The following CNTN5 variants were observed in gnomAD, a reference collection of about 807,000 sequenced individuals.
CNTN5 encodes contactin-5.
In CNTN5, 77 loss-of-function variants were observed where a neutral mutation model predicts 129.1. The observed-to-expected ratio is 0.60, with a 90% CI of 0.50 to 0.72. The LOEUF (loss-of-function observed/expected upper bound fraction) is 0.72, where lower values mean the gene tolerates loss of function less well. Among genes scored for constraint, CNTN5 ranks in the 30% least tolerant of loss-of-function variants. The pLI, the probability that CNTN5 is intolerant of heterozygous loss-of-function variation, is 0.00. For synonymous variants in CNTN5, 509 were observed against 465.6 expected, an observed-to-expected ratio of 1.09 and a Z score of -1.20; for missense variants, 1,478 against 1,328.8, an observed-to-expected ratio of 1.11 and a Z score of -1.75.
chr11:99,433,012 G>GA (rs202138426), intron 2 of CNTN5, among the ~76,000 whole-genome samples: 27,459 of 135,626 alleles, frequency 0.2, 2,760 homozygotes, highest in Middle Eastern at 0.33. Flanking sequence ...TGATTACCAG[G>GA]AAAAAAAAAA....
intron 8 of CNTN5, among the ~76,000 whole-genome samples, chr11:99,962,816 C>G (rs998876489): frequency 6.6e-6 from 1 of 151,678 alleles, no homozygotes; most frequent in Non-Finnish European, 1.5e-5. Flanking sequence ...ATCTGCAGCA[C>G]CTGTTGTTTC....
chr11:99,608,694 G>C (rs531170023), intron 3 of CNTN5, among the ~76,000 whole-genome samples: 1 of 152,276 alleles, frequency 6.6e-6, no homozygotes, highest in African/African-American at 2.4e-5. Context: ...TGCTAAACTT[G>C]TGTTGCTTAA....
intron 3 of CNTN5, among the ~76,000 whole-genome samples, chr11:99,639,907 C>T (rs1214407097): frequency 1.3e-5 from 2 of 152,032 alleles, no homozygotes; most frequent in Non-Finnish European, 2.9e-5. Context: ...ATTTCTTCTG[C>T]CAGATACCCT....
intron 1 of CNTN5, among the ~76,000 whole-genome samples, chr11:99,161,370 T>C (rs1168273938): frequency 3.9e-5 from 6 of 152,146 alleles, no homozygotes; most frequent in African/African-American, 1.2e-4. Flanking sequence ...AGCAGCACAT[T>C]TAAGGAAATA....
At chr11:100,271,464 A>G (rs78888310) in intron 18 of CNTN5, among the ~76,000 whole-genome samples, 2 of 152,154 alleles carry the variant, frequency 1.3e-5, no homozygotes, top group South Asian at 4.1e-4. Context: ...AAATGCTTCA[A>G]TTTTCTCCCA....
intron 6 of CNTN5, among the ~76,000 whole-genome samples, chr11:99,896,210 C>T (rs2135931153): frequency 6.6e-6 from 1 of 152,274 alleles, no homozygotes. Flanking sequence ...TAGGCTTGTG[C>T]CCCACAAGTC....
intron 21 of CNTN5, among the ~76,000 whole-genome samples, chr11:100,339,602 G>A (rs577655237): frequency 2.6e-5 from 4 of 152,238 alleles, no homozygotes; most frequent in Admixed American, 6.5e-5. Flanking sequence ...CTCACTTCAG[G>A]CCATGGGTTT....
At chr11:99,283,908 A>G (rs1863810842) in intron 1 of CNTN5, among the ~76,000 whole-genome samples, 1 of 152,152 alleles carries the variant, frequency 6.6e-6, no homozygotes, top group Non-Finnish European at 1.5e-5. Flanking sequence ...TTAAAGAAGC[A>G]TGCCTCATAC....
At chr11:99,080,810 T>C (rs114519448) in intron 1 of CNTN5, among the ~76,000 whole-genome samples, 490 of 152,214 alleles carry the variant, frequency 3.2e-3, no homozygotes, top group African/African-American at 0.011. Context: ...GTATAAGTGT[T>C]TTGAGGACGA....
chr11:99,504,527 C>T (rs192991719), intron 2 of CNTN5, among the ~76,000 whole-genome samples: 4 of 94,306 alleles, frequency 4.2e-5, no homozygotes, highest in Admixed American at 2.1e-4. Flanking sequence ...CAGACTCCGT[C>T]TCAAAAAAAA....
intron 3 of CNTN5, among the ~76,000 whole-genome samples, chr11:99,793,037 G>C (rs1208377923): frequency 6.6e-6 from 1 of 151,466 alleles, no homozygotes; most frequent in Non-Finnish European, 1.5e-5. Context: ...GCCTGTATTA[G>C]TCTACTAGCA....
At chr11:99,941,001 G>A (rs534784931) in intron 7 of CNTN5, among the ~76,000 whole-genome samples, 15 of 152,166 alleles carry the variant, frequency 9.9e-5, no homozygotes, top group African/African-American at 2.9e-4. Context: ...TTTGAAAAAG[G>A]TAGGGAAAAA....
At chr11:99,391,660 C>T (rs748946878) in intron 2 of CNTN5, among the ~76,000 whole-genome samples, 36 of 151,948 alleles carry the variant, frequency 2.4e-4, no homozygotes, top group South Asian at 8.3e-4. Context: ...GAAGGTAGGG[C>T]ATTAAGCCTC....
intron 1 of CNTN5, among the ~76,000 whole-genome samples, chr11:99,024,043 C>T (rs1035610829): frequency 1.3e-5 from 2 of 152,086 alleles, no homozygotes; most frequent in Admixed American, 6.6e-5. Flanking sequence ...AAGCTCAAAG[C>T]GGTAGAATCA....
intron 13 of CNTN5, among the ~76,000 whole-genome samples, chr11:100,186,527 CA>C (rs1370338879): frequency 6.6e-6 from 1 of 152,078 alleles, no homozygotes; most frequent in Non-Finnish European, 1.5e-5. Context: ...GACAGACTAA[CA>C]AAGCAGAGAC....
rs115630054 is a variant in CNTN5 at position 99,801,203 on chromosome 11, G to T, written c.56-18341G>T. Among the ~76,000 whole-genome samples, 880 of 152,280 alleles carry T rather than the reference G, an allele frequency of 5.8e-3. 19 individuals are homozygous for T. Among genetic ancestry groups the T allele is most frequent in the African/African-American group, 0.02 (835 of 41,572 alleles). On this transcript the variant is annotated intron_variant, in intron 3 of 24. Transcript: ENST00000524871. ...TTTCATGTATGAAGTTCAGTTTGGT[G>T]AGATATGAAATTCTTAGTTACAATT...
rs143727483 is a variant in CNTN5, at chr11:99,698,947, T to A, written c.56-120597T>A. Among the ~76,000 whole-genome samples, 320 of 148,888 alleles carry A rather than the reference T, an allele frequency of 2.1e-3. 1 individual carries two copies. The Middle Eastern group carries it at 0.024, about 11-fold the overall frequency. ...AAAAAAAACTTGATTCTGAGGAGAG[T>A]TTCCAAAGAGGGAGCTACTCTTGTG... On this transcript the variant is annotated intron_variant, in intron 3 of 24. Coordinates refer to ENST00000524871, the MANE Select transcript of CNTN5 (RefSeq NM_014361.4).
intron 1 of CNTN5, among the ~76,000 whole-genome samples, chr11:99,315,185 A>G (rs1865290270): frequency 6.7e-6 from 1 of 149,412 alleles, no homozygotes. Context: ...CTGAGCATAA[A>G]TAGTTCACTG....
chr11:100,034,638 G>A (rs1941886373), intron 9 of CNTN5, among the ~76,000 whole-genome samples: 1 of 152,178 alleles, frequency 6.6e-6, no homozygotes, highest in Non-Finnish European at 1.5e-5. Flanking sequence ...TTTAACTGGA[G>A]CACAGCCATG....
Sources: allele counts gnomAD v4.1 joint callset (sites outside exome capture counted in the v4.1 genomes callset), GRCh38; gene constraint gnomAD v4.1.1; transcripts MANE v1.5; gene names NCBI Gene and HGNC (gene_info 2026-07-23, HGNC 2026-07-21).